The following JADE2 variants were observed in gnomAD, a reference collection of about 807,000 sequenced individuals.
The protein encoded by JADE2 is E3 ubiquitin-protein ligase Jade-2.
Under a neutral mutation model 85.7 loss-of-function variants are expected in JADE2, and 13 were observed. The observed-to-expected ratio is 0.15, with a 90% confidence interval of 0.10 to 0.24. The LOEUF (loss-of-function observed/expected upper bound fraction) is 0.24, where lower values mean the gene tolerates loss of function less well. Among genes scored for constraint, JADE2 ranks in the 10% least tolerant of loss-of-function variants. The probability of loss-of-function intolerance (pLI) is 1.00; values close to 1 mark genes in which losing one functional copy is unlikely to be tolerated. For missense variants in JADE2, 846 were observed against 1,115.9 expected (o/e 0.76, Z 3.45); for synonymous variants, 440 against 456.1 (o/e 0.96, Z 0.45).
intron 1 of JADE2, among the ~76,000 whole-genome samples, chr5:134,532,429 A>G (rs57607181): frequency 1.3e-5 from 2 of 152,164 alleles, no homozygotes; most frequent in African/African-American, 4.8e-5. Context: ...CGACACCCAC[A>G]CTTTGAAGGA....
chr5:134,534,707 C>T (rs920280087), intron 1 of JADE2, among the ~76,000 whole-genome samples: 1 of 152,192 alleles, frequency 6.6e-6, no homozygotes, highest in Admixed American at 6.5e-5. Flanking sequence ...TTTCTCTCTA[C>T]TGACACAGAC....
chr5:134,551,284 A>C (rs1762577484), intron 3 of JADE2, among the ~76,000 whole-genome samples: 1 of 152,124 alleles, frequency 6.6e-6, no homozygotes, highest in Non-Finnish European at 1.5e-5. Flanking sequence ...GCTGGAGTGC[A>C]GTGGTGCAAT....
chr5:134,542,673 C>T (rs1479192155), intron 3 of JADE2, among the ~76,000 whole-genome samples: 1 of 152,020 alleles, frequency 6.6e-6, no homozygotes, highest in Admixed American at 6.6e-5. Flanking sequence ...AACTCCCAAC[C>T]TCAGGTGATC....
intron 1 of JADE2, among the ~76,000 whole-genome samples, chr5:134,529,169 C>T (rs1378606599): frequency 6.6e-6 from 1 of 152,196 alleles, no homozygotes; most frequent in Non-Finnish European, 1.5e-5. Context: ...CTTCATGGCA[C>T]ATGCAGCAGG....
chr5:134,526,460 G>A, intron 1 of JADE2: 1 of 985,248 alleles, frequency 1.0e-6, no homozygotes, highest in Non-Finnish European at 1.2e-6. Context: ...CCCGGGCGGG[G>A]GCTCCGAGAA....
chr5:134,544,470 TTGA>T (rs1207550503), intron 3 of JADE2: 1 of 166,262 alleles, frequency 6.0e-6, no homozygotes, highest in Non-Finnish European at 1.5e-5. Context: ...TCCCAGGGAG[TTGA>T]TGATCTGTAG....
intron 3 of JADE2, among the ~76,000 whole-genome samples, chr5:134,542,753 G>A (rs1235718311): frequency 1.4e-5 from 2 of 147,628 alleles, no homozygotes; most frequent in Non-Finnish European, 3.0e-5. Flanking sequence ...TTTTTTTTGA[G>A]ATGGAGTCTC....
intron 9 of JADE2, 96 bp from the exon 10 acceptor site, chr5:134,573,549 C>T (rs1764172074): frequency 2.4e-6 from 2 of 832,746 alleles, no homozygotes; most frequent in South Asian, 1.3e-5. Context: ...AGCCTGTGCC[C>T]CTGGCACTGC....
intron 9 of JADE2, among the ~76,000 whole-genome samples, chr5:134,569,748 GT>G (rs1308147515): frequency 2.6e-5 from 4 of 152,206 alleles, no homozygotes; most frequent in African/African-American, 9.7e-5. Flanking sequence ...TCAGAAGGAA[GT>G]GGGTCCTGGC....
chr5:134,556,935 C>G (rs1762981855), intron 4 of JADE2, among the ~76,000 whole-genome samples: 1 of 138,572 alleles, frequency 7.2e-6, no homozygotes, highest in Non-Finnish European at 1.6e-5. Context: ...ACACAGCACA[C>G]AACACATACA....
chr5:134,555,981 A>G (rs1446015561), intron 4 of JADE2, among the ~76,000 whole-genome samples: 1 of 151,874 alleles, frequency 6.6e-6, no homozygotes, highest in East Asian at 1.9e-4. Context: ...CTCGGAGGCC[A>G]TTCTCTCTGC....
At chr5:134,544,311 TC>T (rs1762161408) in intron 3 of JADE2, 1 of 154,134 alleles carries the variant, frequency 6.5e-6, no homozygotes. Context: ...TTGTCCTTTG[TC>T]AGCAGGATGC....
At chr5:134,569,825 G>C (rs572507213) in intron 9 of JADE2, among the ~76,000 whole-genome samples, 1 of 152,144 alleles carries the variant, frequency 6.6e-6, no homozygotes, top group Non-Finnish European at 1.5e-5. Flanking sequence ...GGCAGCTCCA[G>C]CCTGCAGACC....
chr5:134,526,381 C>T (rs1385820621), intron 1 of JADE2: 1 of 985,140 alleles, frequency 1.0e-6, no homozygotes, highest in African/African-American at 1.7e-5. Context: ...AGGGCTGCAA[C>T]TTCCCCGCGG....
intron 9 of JADE2, among the ~76,000 whole-genome samples, chr5:134,569,367 C>T (rs1031468554): frequency 2.6e-5 from 4 of 152,166 alleles, no homozygotes; most frequent in Non-Finnish European, 4.4e-5. Context: ...AAACAGGAGC[C>T]GGGGCTGCTG....
At chr5:134,543,313 A>T (rs1762090968) in intron 3 of JADE2, among the ~76,000 whole-genome samples, 1 of 147,860 alleles carries the variant, frequency 6.8e-6, no homozygotes, top group African/African-American at 2.5e-5. Context: ...TACAGGCGTG[A>T]GCCACTGTGC....
intron 3 of JADE2, among the ~76,000 whole-genome samples, chr5:134,544,842 T>G (rs991736884): frequency 6.6e-6 from 1 of 152,088 alleles, no homozygotes; most frequent in Non-Finnish European, 1.5e-5. Context: ...CGAGTGGAGA[T>G]GCAGCTTCTT....
intron 11 of JADE2, chr5:134,577,103 G>A (rs1443591665): frequency 3.4e-6 from 2 of 584,436 alleles, no homozygotes; most frequent in Non-Finnish European, 5.8e-6. Flanking sequence ...CCTGGGAAAT[G>A]CCCCGTCTGT....
Position 134,559,952 on chromosome 5 carries a change from A to C in JADE2, c.434A>C (p.Tyr145Ser). 6.2e-7 allele frequency: 1 copy of C among 1,614,138 alleles called. No homozygotes were observed. Among genetic ancestry groups the C allele is most frequent in the Non-Finnish European group, 8.5e-7 (1 of 1,179,998 alleles). Reference sequence around the variant, plus strand: ...TATGACTTGGACGAGATTGATGCCTACTGGCTGGAGCTCATCAACTCGGAG... The same window carrying C: ...TATGACTTGGACGAGATTGATGCCTCCTGGCTGGAGCTCATCAACTCGGAG... Reference protein sequence around the residue: ...SRYDLDEIDAYWLELINSELK... With the variant: ...SRYDLDEIDASWLELINSELK... Residue 145 changes from tyrosine (Y) to serine (S), a missense_variant, in exon 5 of 12, where the codon TAC becomes TCC. Tyr to Ser is a moderately radical substitution (Grantham distance 144). Coordinates refer to ENST00000681547, the MANE Select transcript of JADE2 (RefSeq NM_001388185.1).
Sources: allele counts gnomAD v4.1 joint callset (sites outside exome capture counted in the v4.1 genomes callset), GRCh38; gene constraint gnomAD v4.1.1; transcripts MANE v1.5; gene names NCBI Gene and HGNC (gene_info 2026-07-23, HGNC 2026-07-21).